The following DTNB variants were observed in gnomAD, a reference collection of about 807,000 sequenced individuals.
DTNB encodes the protein dystrobrevin beta, also known as DTN-B.
DTNB carries 63 observed loss-of-function variants against 90.7 expected under a neutral mutation model. The ratio of observed to expected loss-of-function variants is 0.69; its 90% CI spans 0.57 to 0.86. DTNB has a LOEUF of 0.86. DTNB is among the 40% of genes least tolerant of loss of function. The probability of loss-of-function intolerance (pLI) is 0.00; values close to 1 mark genes in which losing one functional copy is unlikely to be tolerated. For synonymous variants in DTNB, 277 were observed against 286.7 expected, an observed-to-expected ratio of 0.97 and a Z score of 0.34; for missense variants, 744 against 807.1, an observed-to-expected ratio of 0.92 and a Z score of 0.95.
chr2:25,526,553 G>T (rs186747858), intron 9 of DTNB, among the ~76,000 whole-genome samples: 1 of 151,394 alleles, frequency 6.6e-6, no homozygotes, highest in African/African-American at 2.4e-5. Flanking sequence ...TGGCCGCCAC[G>T]CCTGGCTAAT....
intron 4 of DTNB, among the ~76,000 whole-genome samples, chr2:25,622,339 C>A (rs942618987): frequency 1.3e-5 from 2 of 152,112 alleles, no homozygotes; most frequent in African/African-American, 4.8e-5. Context: ...TAAAAATTAG[C>A]CAGGCGTGGT....
chr2:25,421,657 A>G (rs1351631234), intron 15 of DTNB, among the ~76,000 whole-genome samples: 2 of 152,238 alleles, frequency 1.3e-5, no homozygotes, highest in Non-Finnish European at 2.9e-5. Flanking sequence ...CAATCCTAAC[A>G]GGCTGAAATT....
chr2:25,643,457 G>A lies in DTNB; in HGVS notation c.68-4363C>T, dbSNP rs184789181. On this transcript the variant is annotated intron_variant, in intron 2 of 20. Transcript: ENST00000406818. ...AAAACTAGCACCTGAAATAGTTATT[G>A]AGTGAATAAACACGTTAAAATTGGG... 2.6e-5 allele frequency among the ~76,000 whole-genome samples: 4 copies of A among 152,350 alleles called. No individual in the cohort carries two copies. The East Asian group carries it at 7.7e-4, about 29-fold the overall frequency.
At chr2:25,598,841 C>T (rs1016053075) in intron 5 of DTNB, 1 of 151,690 alleles carries the variant, frequency 6.6e-6, no homozygotes, top group African/African-American at 2.4e-5. Context: ...AGAAAAAATT[C>T]TACAACAGCC....
chr2:25,409,020 C>T (rs371822128), intron 16 of DTNB, among the ~76,000 whole-genome samples: 3 of 152,170 alleles, frequency 2.0e-5, no homozygotes, highest in Non-Finnish European at 2.9e-5. Flanking sequence ...CCAAGAATCA[C>T]GCAGGTGAGC....
chr2:25,391,791 ATGGAAATTAAATAAT>A (rs1328700224), intron 16 of DTNB, among the ~76,000 whole-genome samples: 1 of 152,238 alleles, frequency 6.6e-6, no homozygotes, highest in Non-Finnish European at 1.5e-5. Flanking sequence ...ATGCAAATAC[ATGGAAATTAAATAAT>A]CTGCTCCTGA....
In DTNB at chr2:25,648,090, G is replaced by A. The variant is rs115740770; in HGVS notation, c.67+4504C>T. On this transcript the variant is annotated intron_variant, in intron 2 of 20. Transcript: ENST00000406818. ...AATAAAATCAGAATCTCTGAGCATG[G>A]AGGCCTGGTATCAAGCACTTTGTAC... Among the ~76,000 whole-genome samples, 782 of 152,280 alleles carry A rather than the reference G, an allele frequency of 5.1e-3. 5 individuals are homozygous for A. Among genetic ancestry groups the A allele is most frequent in the African/African-American group, 0.018 (736 of 41,558 alleles).
chr2:25,448,805 G>A (rs568237322), intron 12 of DTNB, among the ~76,000 whole-genome samples: 87 of 146,318 alleles, frequency 5.9e-4, no homozygotes, highest in African/African-American at 2.0e-3. Flanking sequence ...AGTGAGCTGA[G>A]ATCGTGCCAC....
chr2:25,626,457 C>T (rs2074175325), intron 4 of DTNB, among the ~76,000 whole-genome samples: 2 of 152,132 alleles, frequency 1.3e-5, no homozygotes, highest in Non-Finnish European at 2.9e-5. Context: ...CACTTACACA[C>T]TCTTATTTTT....
chr2:25,425,214 A>C (rs2051134227), intron 15 of DTNB, among the ~76,000 whole-genome samples: 6 of 152,230 alleles, frequency 3.9e-5, no homozygotes, highest in Admixed American at 3.9e-4. Context: ...AAATCCTGCT[A>C]ACAGGGTTAA....
intron 8 of DTNB, among the ~76,000 whole-genome samples, chr2:25,541,707 G>A (rs561261422): frequency 1.6e-4 from 24 of 152,140 alleles, no homozygotes; most frequent in Admixed American, 8.5e-4. Context: ...CATGAATAGC[G>A]TTGCTATGAA....
In DTNB at chr2:25,432,920, T is replaced by A. The variant is rs762453501; in HGVS notation, c.1423A>T (p.Asn475Tyr). The change falls in exon 14 of 21, where the codon AAC (asparagine) becomes TAC (tyrosine). Residue 475 changes from asparagine (N) to tyrosine (Y), a missense_variant. Coordinates refer to ENST00000406818, the MANE Select transcript of DTNB (RefSeq NM_021907.5). The stretch of plus-strand genomic sequence containing the variant: ...CGCAGCTCTGCCAGCAGCGTGGGGT[T>A]CTGCTGTGCCTTCTCAGGGGTGGGC... ...SQPTPEKAQQ[N>Y]PTLLAELRLL... The A allele has an allele frequency of 8.1e-6, 13 of 1,610,294 alleles. No homozygotes were observed. Among genetic ancestry groups the A allele is most frequent in the Non-Finnish European group, 5.1e-6 (6 of 1,179,056 alleles).
chr2:25,564,322 AT>A (rs1473474650), intron 8 of DTNB, among the ~76,000 whole-genome samples: 2 of 152,162 alleles, frequency 1.3e-5, no homozygotes, highest in Non-Finnish European at 2.9e-5. Flanking sequence ...GTCATTTTAA[AT>A]GTTAAGTCTT....
intron 16 of DTNB, among the ~76,000 whole-genome samples, chr2:25,404,309 G>A (rs903189828): frequency 6.6e-6 from 1 of 152,162 alleles, no homozygotes; most frequent in Non-Finnish European, 1.5e-5. Flanking sequence ...GTTAAGTTTG[G>A]TAGAAGAGGT....
At chr2:25,580,882 CAA>C in intron 6 of DTNB, 56 bp from the exon 7 acceptor site, 2 of 1,471,342 alleles carry the variant, frequency 1.4e-6, no homozygotes, top group Non-Finnish European at 1.9e-6. Flanking sequence ...CTCCAAACTC[CAA>C]GTTTAATTTA....
chr2:25,391,118 G>A (rs910056180), intron 16 of DTNB, among the ~76,000 whole-genome samples: 2 of 150,680 alleles, frequency 1.3e-5, no homozygotes, highest in African/African-American at 2.4e-5. Flanking sequence ...GGATGGTCTC[G>A]ATCTCCTGAC....
At chr2:25,446,393 C>T (rs1008259369) in intron 12 of DTNB, among the ~76,000 whole-genome samples, 1 of 151,998 alleles carries the variant, frequency 6.6e-6, no homozygotes, top group Non-Finnish European at 1.5e-5. Flanking sequence ...CATGCCACCA[C>T]ACCTGGCTAT....
At chr2:25,575,847 CTT>C (rs1236562778) in intron 8 of DTNB, among the ~76,000 whole-genome samples, 2 of 152,172 alleles carry the variant, frequency 1.3e-5, no homozygotes, top group Non-Finnish European at 2.9e-5. Context: ...GCTGTAGCAA[CTT>C]TTTGGAGGGA....
intron 16 of DTNB, among the ~76,000 whole-genome samples, chr2:25,414,866 G>A (rs1434024466): frequency 1.3e-5 from 2 of 152,136 alleles, no homozygotes; most frequent in African/African-American, 2.4e-5. Flanking sequence ...AGTGACCCGC[G>A]CTCAACTGAT....
Sources: gnomAD v4.1 joint callset for allele counts (sites outside exome capture counted in the v4.1 genomes callset) on GRCh38, gnomAD v4.1.1 for gene constraint, MANE v1.5 for transcripts, NCBI Gene and HGNC (gene_info 2026-07-23, HGNC 2026-07-21) for gene names.